Variants in GLRX3 observed in about 807,000 individuals in gnomAD.
GLRX3 encodes glutaredoxin-3.
Under a neutral mutation model 49.5 loss-of-function variants are expected in GLRX3, and 22 were observed. The observed-to-expected ratio is 0.44, with a 90% CI of 0.32 to 0.63. GLRX3 has a LOEUF of 0.63. Among genes scored for constraint, GLRX3 ranks in the 30% least tolerant of loss-of-function variants. The probability of loss-of-function intolerance (pLI) is 0.05; values close to 1 mark genes in which losing one functional copy is unlikely to be tolerated. For missense variants in GLRX3, 385 were observed against 396.3 expected, an observed-to-expected ratio of 0.97 and a Z score of 0.24; for synonymous variants, 133 against 140.0, an observed-to-expected ratio of 0.95 and a Z score of 0.35.
At chr10:130,173,049 G>A (rs1192000142) in intron 8 of GLRX3, among the ~76,000 whole-genome samples, 1 of 152,160 alleles carries the variant, frequency 6.6e-6, no homozygotes, top group Admixed American at 6.5e-5. Flanking sequence ...CTTCACCCCT[G>A]CCCTGGGCCA....
At chr10:130,164,685 T>C in intron 4 of GLRX3, among the ~76,000 whole-genome samples, 1 of 152,386 alleles carries the variant, frequency 6.6e-6, no homozygotes, top group South Asian at 2.1e-4. Flanking sequence ...TAAAGCCTTC[T>C]TGCCATCTTA....
intron 2 of GLRX3, among the ~76,000 whole-genome samples, chr10:130,155,393 G>A (rs773267662): frequency 6.6e-6 from 1 of 152,184 alleles, no homozygotes; most frequent in African/African-American, 2.4e-5. Context: ...GGTTTGAAGC[G>A]GGAAGGGTGC....
chr10:130,142,799 G>A (rs1730002555), intron 1 of GLRX3, among the ~76,000 whole-genome samples: 1 of 123,028 alleles, frequency 8.1e-6, no homozygotes, highest in African/African-American at 3.1e-5. Context: ...TTCCAGTACC[G>A]CCTAGGACCC....
At chr10:130,153,790 C>T (rs930670401) in intron 2 of GLRX3, among the ~76,000 whole-genome samples, 4 of 152,122 alleles carry the variant, frequency 2.6e-5, no homozygotes, top group African/African-American at 7.2e-5. Flanking sequence ...TGTCTGTTAT[C>T]GGATCTTGAA....
chr10:130,137,447 G>C (rs963502997), intron 1 of GLRX3, among the ~76,000 whole-genome samples: 1 of 152,094 alleles, frequency 6.6e-6, no homozygotes, highest in Admixed American at 6.5e-5. Context: ...TATTATTAGC[G>C]GTTGTTATGG....
rs146682840 is a variant in GLRX3, at chr10:130,165,399, TAAG to T, written c.479-1106_479-1104del. Among the ~76,000 whole-genome samples, 1,169 of 152,226 alleles carry T rather than the reference TAAG, an allele frequency of 7.7e-3. 23 individuals are homozygous for T. Among genetic ancestry groups the T allele is most frequent in the African/African-American group, 0.027 (1,106 of 41,538 alleles). ...TTATTCTTCAGTTATAATGTCATAA[TAAG>T]ATGATGTCAAAAAAGTACAGAATAA... is the stretch of plus-strand genomic sequence containing the variant. On this transcript the variant is annotated intron_variant, in intron 4 of 10. Transcript: ENST00000331244.
At position 130,153,096 on chromosome 10, in the gene GLRX3, G is replaced by T. The variant is rs189405045; in HGVS notation, c.202-6899G>T. 1.0e-3 allele frequency among the ~76,000 whole-genome samples: 159 copies of T among 152,090 alleles called. 3 individuals are homozygous for T. In the East Asian group the frequency reaches 0.023, roughly 22 times the overall value. The stretch of plus-strand genomic sequence containing the variant: ...TCCTTTTTTCCGCTTGATCGAATCG[G>T]CTATTGAAGCTTGTGTATGCTTCAC... On this transcript the variant is annotated intron_variant, in intron 2 of 10. Transcript: ENST00000331244.
At chr10:130,178,501 C>T (rs1025055073) in intron 10 of GLRX3, among the ~76,000 whole-genome samples, 1 of 151,872 alleles carries the variant, frequency 6.6e-6, no homozygotes, top group Non-Finnish European at 1.5e-5. Context: ...GTGATCTGCC[C>T]CCTTGGCCTC....
At chr10:130,152,740 C>T (rs556703859) in intron 2 of GLRX3, among the ~76,000 whole-genome samples, 16 of 152,090 alleles carry the variant, frequency 1.1e-4, no homozygotes, top group African/African-American at 3.6e-4. Context: ...AACATTTTTT[C>T]CTTAATTTCA....
intron 1 of GLRX3, among the ~76,000 whole-genome samples, chr10:130,143,262 T>C (rs550559040): frequency 6.6e-6 from 1 of 152,370 alleles, no homozygotes; most frequent in African/African-American, 2.4e-5. Context: ...CTCGCTGGTA[T>C]TATTTGATCA....
chr10:130,145,644 A>G (rs901695444), intron 2 of GLRX3, among the ~76,000 whole-genome samples: 47 of 152,234 alleles, frequency 3.1e-4, no homozygotes, highest in African/African-American at 9.6e-4. Context: ...CCTGGGTGAC[A>G]GAGCGAGACG....
chr10:130,174,819 CTTTGA>C (rs1424450022), intron 8 of GLRX3, 43 bp from the exon 9 acceptor site: 16 of 1,237,452 alleles, frequency 1.3e-5, no homozygotes, highest in Admixed American at 1.7e-5. Flanking sequence ...AGGTTTTACA[CTTTGA>C]TTTAACTGTA....
At chr10:130,162,595 G>A (rs949720215) in intron 4 of GLRX3, among the ~76,000 whole-genome samples, 1 of 152,192 alleles carries the variant, frequency 6.6e-6, no homozygotes, top group Non-Finnish European at 1.5e-5. Flanking sequence ...AGTAGAACTG[G>A]CTGTGAAATG....
At chr10:130,148,790 C>T (rs1294549960) in intron 2 of GLRX3, among the ~76,000 whole-genome samples, 1 of 151,958 alleles carries the variant, frequency 6.6e-6, no homozygotes, top group Non-Finnish European at 1.5e-5. Context: ...GGGTGGGGCA[C>T]AGTGGCTCAC....
intron 2 of GLRX3, among the ~76,000 whole-genome samples, chr10:130,156,323 C>T (rs1170481867): frequency 6.6e-6 from 1 of 152,144 alleles, no homozygotes; most frequent in Non-Finnish European, 1.5e-5. Context: ...GGCACTGTTC[C>T]CATCCATGAG....
chr10:130,141,482 T>C (rs1315559939), intron 1 of GLRX3, among the ~76,000 whole-genome samples: 4 of 152,084 alleles, frequency 2.6e-5, no homozygotes, highest in Non-Finnish European at 5.9e-5. Context: ...ACCCAGGAAG[T>C]TTTCCATCCC....
chr10:130,146,042 C>G (rs957288713), intron 2 of GLRX3, among the ~76,000 whole-genome samples: 1 of 152,148 alleles, frequency 6.6e-6, no homozygotes, highest in Non-Finnish European at 1.5e-5. Flanking sequence ...ATCTGCTCAC[C>G]TTGGCCTCCC....
At chr10:130,153,764 A>C (rs547680837) in intron 2 of GLRX3, among the ~76,000 whole-genome samples, 2 of 151,898 alleles carry the variant, frequency 1.3e-5, no homozygotes, top group South Asian at 4.2e-4. Flanking sequence ...TCAGGGACCC[A>C]CTTGAGGAGG....
In GLRX3 at chr10:130,169,473, A is replaced by G. The variant is rs1332936796; in HGVS notation, c.754A>G (p.Met252Val). The G allele has an allele frequency of 1.9e-6, 3 of 1,609,222 alleles. No individual in the cohort carries two copies. The highest frequency in any genetic ancestry group is 3.3e-5 in the Admixed American group (2 of 60,014). The change falls in exon 7 of 11, where the codon ATG (methionine) becomes GTG (valine). Residue 252 changes from methionine to valine, a missense_variant. By Grantham distance (21) the Met-to-Val change is conservative (BLOSUM62 1). Coordinates refer to ENST00000331244, the MANE Select transcript of GLRX3 (RefSeq NM_006541.5). ...LTNKASVMLF[M>V]KGNKQEAKCG... ...AAATAAAGCTTCTGTGATGCTCTTT[A>G]TGAAAGGAAACAAACAGGTAAAGAA...
Sources: allele counts gnomAD v4.1 joint callset (sites outside exome capture counted in the v4.1 genomes callset), GRCh38; gene constraint gnomAD v4.1.1; transcripts MANE v1.5; gene names NCBI Gene and HGNC (gene_info 2026-07-23, HGNC 2026-07-21).